VSIG1: variants seen among roughly 807,000 people sequenced by gnomAD.
VSIG1 encodes V-set and immunoglobulin domain-containing protein 1.
In VSIG1, 11 loss-of-function variants were observed where a neutral mutation model predicts 20.1. The ratio of observed to expected loss-of-function variants is 0.55; its 90% CI spans 0.34 to 0.91. The LOEUF is 0.91. Ranked by LOEUF, VSIG1 falls within the 40% of genes least tolerant of loss-of-function variation. The pLI is 0.02. For missense variants in VSIG1, 283 were observed against 298.8 expected (o/e 0.95, Z 0.39); for synonymous variants, 126 against 116.7 (o/e 1.08, Z -0.52).
the VSIG1 span, among the ~76,000 whole-genome samples, chrX:108,019,250 G>A: frequency 8.9e-6 from 1 of 112,308 alleles, no homozygotes; most frequent in Admixed American, 9.3e-5. Flanking sequence ...GAGTGTGCCT[G>A]ACTTCAGACT....
At chrX:108,020,427 C>T in the VSIG1 span, among the ~76,000 whole-genome samples, 2 of 112,132 alleles carry the variant, frequency 1.8e-5, no homozygotes, top group Middle Eastern at 4.6e-3. Flanking sequence ...TTGGAGATCA[C>T]TGAGTTTCCT....
chrX:108,021,880 C>G, the VSIG1 span, among the ~76,000 whole-genome samples: 4 of 112,175 alleles, frequency 3.6e-5, no homozygotes, highest in African/African-American at 1.3e-4. Flanking sequence ...TACATGCTTA[C>G]TTCTGGACTC....
At chrX:108,073,171 G>T in intron 4 of VSIG1, 79 bp from the exon 5 acceptor site, 1 of 1,088,985 alleles carries the variant, frequency 9.2e-7, no homozygotes, top group Non-Finnish European at 1.3e-6. Flanking sequence ...GGAGTGGGTG[G>T]ACATTGAGTG....
upstream of VSIG1, among the ~76,000 whole-genome samples, chrX:108,044,474 A>G (rs2030529137): frequency 8.9e-6 from 1 of 112,004 alleles, no homozygotes; most frequent in Non-Finnish European, 1.9e-5. Flanking sequence ...TACGTGCTAT[A>G]AGGTTTCTAA....
At chrX:108,024,281 G>T in the VSIG1 span, among the ~76,000 whole-genome samples, 2 of 110,834 alleles carry the variant, frequency 1.8e-5, no homozygotes, top group Non-Finnish European at 3.8e-5. Flanking sequence ...TTTTCTGTAA[G>T]GTCAGTAGTA....
intron 1 of VSIG1, among the ~76,000 whole-genome samples, chrX:108,047,907 C>CACACATATATATACACAT (rs1555980345): frequency 1.3e-3 from 38 of 29,245 alleles, no homozygotes; most frequent in Admixed American, 2.2e-3. Flanking sequence ...TATATATACA[C>CACACATATATATACACAT]ATATATATAT....
intron 1 of VSIG1, among the ~76,000 whole-genome samples, chrX:108,046,187 T>C (rs2030573547): frequency 1.8e-5 from 2 of 111,925 alleles, no homozygotes; most frequent in African/African-American, 3.2e-5. Context: ...TAGAAAAAAG[T>C]GTTACTTTTC....
At chrX:108,039,944 T>C in the VSIG1 span, among the ~76,000 whole-genome samples, 2 of 111,102 alleles carry the variant, frequency 1.8e-5, no homozygotes, top group Non-Finnish European at 3.8e-5. Context: ...ACAATAATAA[T>C]ATAGAATAAT....
At chrX:108,076,915 G>GAA in intron 6 of VSIG1, 133 bp from the exon 7 acceptor site, 1 of 645,075 alleles carries the variant, frequency 1.6e-6, no homozygotes, top group Non-Finnish European at 2.3e-6. Context: ...CAATGAGTCA[G>GAA]AATATCAGAA....
the VSIG1 span, among the ~76,000 whole-genome samples, chrX:108,026,822 A>G: frequency 8.9e-6 from 1 of 111,940 alleles, no homozygotes; most frequent in Non-Finnish European, 1.9e-5. Flanking sequence ...AAGTTAAACA[A>G]TCATGAGACT....
chrX:108,029,597 G>A, the VSIG1 span, among the ~76,000 whole-genome samples: 1 of 112,035 alleles, frequency 8.9e-6, no homozygotes, highest in African/African-American at 3.2e-5. Flanking sequence ...GCCCAACCCT[G>A]AGCATTCCTA....
chrX:108,054,740 A>T (rs183471292), intron 1 of VSIG1, among the ~76,000 whole-genome samples: 10 of 110,519 alleles, frequency 9.0e-5, no homozygotes, highest in East Asian at 5.7e-4. Context: ...CTCAAAAGGA[A>T]TTTTTTTAAA....
At chrX:108,029,630 C>G in the VSIG1 span, among the ~76,000 whole-genome samples, 1 of 111,793 alleles carries the variant, frequency 8.9e-6, no homozygotes, top group Non-Finnish European at 1.9e-5. Flanking sequence ...ATCATTGGTC[C>G]CTAAAATTGG....
intron 6 of VSIG1, 93 bp from the exon 7 acceptor site, chrX:108,076,955 T>C: frequency 1.2e-6 from 1 of 869,019 alleles, no homozygotes; most frequent in Non-Finnish European, 1.6e-6. Flanking sequence ...CTGGGACCTA[T>C]GGTCATTGAA....
chrX:108,063,387 T>C (rs1043927514), intron 2 of VSIG1, among the ~76,000 whole-genome samples: 76 of 111,707 alleles, frequency 6.8e-4, no homozygotes, highest in African/African-American at 2.2e-3. Flanking sequence ...GCTCCCTCTA[T>C]TGAGGCCTCG....
At chrX:108,026,696 G>A in the VSIG1 span, among the ~76,000 whole-genome samples, 2 of 111,068 alleles carry the variant, frequency 1.8e-5, no homozygotes, top group South Asian at 3.8e-4. Flanking sequence ...AAGTAGTGAC[G>A]GCATACTTAA....
chrX:108,053,669 C>T (rs1228249244), intron 1 of VSIG1, among the ~76,000 whole-genome samples: 2 of 111,419 alleles, frequency 1.8e-5, no homozygotes, highest in African/African-American at 6.5e-5. Flanking sequence ...AATGCGAATA[C>T]CACTACAGTA....
chrX:108,061,497 G>A lies in VSIG1; in HGVS notation c.213+3296G>A, dbSNP rs1462344740. 6.0e-6 allele frequency: 7 copies of A among 1,166,676 alleles called. No homozygotes were observed. Among genetic ancestry groups the A allele is most frequent in the South Asian group, 5.7e-5 (3 of 52,668 alleles). On this transcript the variant is annotated intron_variant, in intron 2 of 6. Coordinates refer to ENST00000217957, the MANE Select transcript of VSIG1 (RefSeq NM_182607.5). The stretch of plus-strand genomic sequence containing the variant: ...CAGTCAGTGTCTAAAAATGACGCAC[G>A]CAAGAGACGCTCGGGGAAGATGTAG...
At chrX:108,027,154 A>G in the VSIG1 span, among the ~76,000 whole-genome samples, 12 of 111,733 alleles carry the variant, frequency 1.1e-4, no homozygotes, top group Non-Finnish European at 2.1e-4. Context: ...CATATGACCC[A>G]GCATTTTTAC....
Sources: gnomAD v4.1 joint callset for allele counts (sites outside exome capture counted in the v4.1 genomes callset) on GRCh38, gnomAD v4.1.1 for gene constraint, MANE v1.5 for transcripts, NCBI Gene and HGNC (gene_info 2026-07-23, HGNC 2026-07-21) for gene names.